Variants in RAB38 observed in about 807,000 individuals in gnomAD.
RAB38 encodes RAB38, member RAS oncogene family, also known as ras-related protein Rab-38.
A neutral mutation model predicts 18.4 loss-of-function variants in RAB38; 15 were observed. That is an observed-to-expected ratio of 0.82 (90% confidence interval 0.55 to 1.26). The LOEUF is 1.26. Ranked by LOEUF, RAB38 falls within the 50% of genes most tolerant of loss-of-function variation. The pLI, the probability that RAB38 is intolerant of heterozygous loss-of-function variation, is 0.00. For missense variants in RAB38, 294 were observed against 267.4 expected (o/e 1.10, Z -0.69); for synonymous variants, 101 against 104.4 (o/e 0.97, Z 0.20).
the RAB38 span, among the ~76,000 whole-genome samples, chr11:87,850,714 CCA>C: frequency 0.12 from 17,327 of 146,338 alleles, 1,023 homozygotes; most frequent in Middle Eastern, 0.19. Context: ...CACAACACTG[CCA>C]CACACACACA....
the RAB38 span, among the ~76,000 whole-genome samples, chr11:87,976,184 G>T: frequency 6.9e-6 from 1 of 144,876 alleles, no homozygotes; most frequent in African/African-American, 2.5e-5. Context: ...GTATATATAG[G>T]TATATTTATA....
chr11:88,034,011 G>T, the RAB38 span, among the ~76,000 whole-genome samples: 1 of 152,132 alleles, frequency 6.6e-6, no homozygotes, highest in Non-Finnish European at 1.5e-5. Flanking sequence ...ACTAGCATGA[G>T]CCACCGCGCC....
chr11:87,812,926 G>A, the RAB38 span, among the ~76,000 whole-genome samples: 9 of 152,088 alleles, frequency 5.9e-5, no homozygotes, highest in African/African-American at 2.2e-4. Context: ...TTTAATGAAT[G>A]AGAAACAAAT....
the RAB38 span, among the ~76,000 whole-genome samples, chr11:88,069,479 G>A: frequency 1.6e-4 from 24 of 152,240 alleles, no homozygotes; most frequent in African/African-American, 5.1e-4. Context: ...GCCCTGGTGC[G>A]GGATCCACTA....
At chr11:87,844,866 G>C in the RAB38 span, among the ~76,000 whole-genome samples, 1 of 152,122 alleles carries the variant, frequency 6.6e-6, no homozygotes, top group Non-Finnish European at 1.5e-5. Context: ...ACTGAGATTT[G>C]AATCACTAGC....
the RAB38 span, among the ~76,000 whole-genome samples, chr11:88,063,406 A>T: frequency 6.6e-6 from 1 of 152,122 alleles, no homozygotes; most frequent in Non-Finnish European, 1.5e-5. Context: ...GGAAGGTACC[A>T]TTCCTACACT....
the RAB38 span, among the ~76,000 whole-genome samples, chr11:88,078,802 T>C: frequency 3.3e-5 from 5 of 151,912 alleles, no homozygotes; most frequent in African/African-American, 1.2e-4. Flanking sequence ...TAAGACTTCG[T>C]GTTTGATATA....
chr11:87,908,555 C>T, the RAB38 span, among the ~76,000 whole-genome samples: 1 of 151,996 alleles, frequency 6.6e-6, no homozygotes, highest in African/African-American at 2.4e-5. Context: ...TAATCACAGT[C>T]TAATTTTTCC....
At chr11:87,819,050 C>T in the RAB38 span, among the ~76,000 whole-genome samples, 4 of 152,172 alleles carry the variant, frequency 2.6e-5, no homozygotes, top group African/African-American at 9.7e-5. Flanking sequence ...GAAGACCAGA[C>T]GACTCTGATA....
chr11:87,840,732 T>G, the RAB38 span, among the ~76,000 whole-genome samples: 1 of 152,234 alleles, frequency 6.6e-6, no homozygotes, highest in Non-Finnish European at 1.5e-5. Context: ...CTGATGAATA[T>G]GGATGTTTCT....
intron 1 of RAB38, among the ~76,000 whole-genome samples, chr11:88,150,715 T>C (rs1943052829): frequency 6.6e-6 from 1 of 152,194 alleles, no homozygotes; most frequent in South Asian, 2.1e-4. Context: ...ATCATACAGA[T>C]AGTAAGCTTA....
the RAB38 span, among the ~76,000 whole-genome samples, chr11:88,072,806 G>GAA: frequency 6.8e-6 from 1 of 148,044 alleles, no homozygotes; most frequent in Admixed American, 6.7e-5. Flanking sequence ...TCAAAAAGTA[G>GAA]AAAAAAAAAA....
chr11:88,134,253 T>G (rs1942804083), intron 2 of RAB38, among the ~76,000 whole-genome samples: 1 of 152,172 alleles, frequency 6.6e-6, no homozygotes, highest in Non-Finnish European at 1.5e-5. Context: ...TTTATTTTAT[T>G]TTTTTGAGAT....
chr11:87,948,655 A>G, the RAB38 span, among the ~76,000 whole-genome samples: 1 of 150,160 alleles, frequency 6.7e-6, no homozygotes, highest in South Asian at 2.1e-4. Flanking sequence ...TGAGATAATC[A>G]TGTGGTTTTT....
At chr11:87,912,989 T>C in the RAB38 span, among the ~76,000 whole-genome samples, 2 of 152,040 alleles carry the variant, frequency 1.3e-5, no homozygotes, top group East Asian at 3.9e-4. Context: ...CATCCCACTT[T>C]AGCTTTCTTC....
the RAB38 span, among the ~76,000 whole-genome samples, chr11:88,031,231 AAAT>A: frequency 6.6e-6 from 1 of 152,166 alleles, no homozygotes; most frequent in Non-Finnish European, 1.5e-5. Flanking sequence ...ACGTATCTCA[AAAT>A]AATAAGAGCT....
chr11:88,104,378 T>C, the RAB38 span, among the ~76,000 whole-genome samples: 1 of 151,914 alleles, frequency 6.6e-6, no homozygotes, highest in Non-Finnish European at 1.5e-5. Context: ...ATCTTGAAAA[T>C]TGGTGCCATC....
At chr11:87,949,771 T>C in the RAB38 span, among the ~76,000 whole-genome samples, 12 of 152,200 alleles carry the variant, frequency 7.9e-5, 1 homozygote, top group African/African-American at 2.6e-4. Flanking sequence ...GTTATAATTT[T>C]TGTTCTTTTA....
chr11:87,870,228 G>T, the RAB38 span, among the ~76,000 whole-genome samples: 1 of 151,438 alleles, frequency 6.6e-6, no homozygotes, highest in African/African-American at 2.4e-5. Context: ...AAATATTTTT[G>T]TGGGGCTGTT....
Sources: gnomAD v4.1 joint callset for allele counts (sites outside exome capture counted in the v4.1 genomes callset) on GRCh38, gnomAD v4.1.1 for gene constraint, MANE v1.5 for transcripts, NCBI Gene and HGNC (gene_info 2026-07-23, HGNC 2026-07-21) for gene names.